PFAS: variants seen among roughly 807,000 people sequenced by gnomAD.
PFAS encodes the protein phosphoribosylformylglycinamidine synthase.
Under a neutral mutation model 140.6 loss-of-function variants are expected in PFAS, and 97 were observed. That is an observed-to-expected ratio of 0.69 (90% CI 0.59 to 0.82). The LOEUF is 0.82. PFAS is among the 40% of genes least tolerant of loss of function. PFAS has a pLI of 0.00. For missense variants in PFAS, 1,656 were observed against 1,780.2 expected (o/e 0.93, Z 1.26); for synonymous variants, 679 against 718.8 (o/e 0.94, Z 0.88).
At chr17:8,259,194 C>T (rs1266385855) in intron 11 of PFAS, among the ~76,000 whole-genome samples, 4 of 150,982 alleles carry the variant, frequency 2.6e-5, no homozygotes, top group Non-Finnish European at 4.4e-5. Flanking sequence ...CATGGCATAC[C>T]GTTTTTAGGT....
chr17:8,256,555 C>T lies in PFAS; in HGVS notation c.853C>T (p.Arg285Trp), dbSNP rs139447756. The T allele has an allele frequency of 1.6e-4, 263 of 1,613,984 alleles. No individual in the cohort carries two copies. The highest frequency in any genetic ancestry group is 1.9e-4 in the Non-Finnish European group (230 of 1,180,024). The change falls in exon 8 of 28, where the codon CGG becomes TGG. Residue 285 changes from arginine (R) to tryptophan (W), a missense_variant. Physicochemically the swap from Arg to Trp is moderately radical, Grantham distance 101 (BLOSUM62 -3). Coordinates refer to ENST00000314666, the MANE Select transcript of PFAS (RefSeq NM_012393.3). ...AIQGKEVRFL[R>W]PEDPTRPSRF... The stretch of plus-strand genomic sequence containing the variant: ...CCAGGGAAAGGAAGTCCGATTCCTA[C>T]GGCCTGAGGACCCCACACGGCCAAG...
upstream of PFAS, chr17:8,247,727 T>C (rs913241516): frequency 6.7e-6 from 3 of 446,582 alleles, no homozygotes; most frequent in Admixed American, 4.0e-5. Context: ...CACAGCCCCA[T>C]AGTTCCCCCA....
At chr17:8,248,294 G>T (rs1988954967), upstream of PFAS, among the ~76,000 whole-genome samples, 1 of 151,372 alleles carries the variant, frequency 6.6e-6, no homozygotes, top group African/African-American at 2.4e-5. Flanking sequence ...AGGCTGGAGT[G>T]CAGTGGCGCG....
Position 8,256,377 on chromosome 17 carries a change from A to G in PFAS, c.791A>G (p.Asn264Ser), listed in dbSNP as rs1989365849. ...AGCACCCAGGAATCCTCGAACCCCA[A>G]CAACGTCCTCAAATTCTGTGATAAC... ...IMSTQESSNP[N>S]NVLKFCDNSS... is the part of the protein sequence containing the mutation. Residue 264 changes from asparagine to serine, a missense_variant, in exon 7 of 28, where the codon AAC becomes AGC. Around this residue, in one of 2 missense-constraint regions of PFAS, gnomAD observed 773 missense variants for 757.3 expected, o/e 1.02. Coordinates refer to ENST00000314666, the MANE Select transcript of PFAS (RefSeq NM_012393.3). 1 of 1,614,072 alleles carries G rather than the reference A, an allele frequency of 6.2e-7. No individual in the cohort carries two copies. Among genetic ancestry groups the G allele is most frequent in the African/African-American group, 1.3e-5 (1 of 75,046 alleles).
At chr17:8,262,277 T>A (rs2151588969) in intron 11 of PFAS, among the ~76,000 whole-genome samples, 1 of 152,278 alleles carries the variant, frequency 6.6e-6, no homozygotes, top group African/African-American at 2.4e-5. Context: ...GTCTCTGTTG[T>A]CAGCCTTTAG....
intron 11 of PFAS, among the ~76,000 whole-genome samples, chr17:8,259,359 C>G (rs1989501646): frequency 1.3e-5 from 2 of 152,128 alleles, no homozygotes; most frequent in African/African-American, 4.8e-5. Context: ...TGGCCTTGAG[C>G]TCCTGGGCTC....
rs569163280 is a variant in PFAS at position 8,252,675 on chromosome 17, G to A, written c.-79-1184G>A. The stretch of plus-strand genomic sequence containing the variant: ...TGTGTTGCCCAGGCTGGAGTGCAGC[G>A]GCTTGATCACTGCTCACTGCAGCCT... On this transcript the variant is annotated intron_variant, in intron 1 of 27. Transcript: ENST00000314666. Among the ~76,000 whole-genome samples, 218 of 152,278 alleles carry A rather than the reference G, an allele frequency of 1.4e-3. 1 individual carries two copies. The highest frequency in any genetic ancestry group is 5.0e-3 in the African/African-American group (208 of 41,560).
In PFAS at chr17:8,269,215, T is replaced by C; in HGVS notation, c.3968T>C (p.Leu1323Pro). The change falls in exon 28 of 28, where the codon CTC becomes CCC. Residue 1323 changes from leucine (L) to proline (P), a missense_variant. Physicochemically the swap from Leu to Pro is moderately conservative, Grantham distance 98. Around this residue, in one of 2 missense-constraint regions of PFAS, gnomAD observed 883 missense variants for 1,023.0 expected, o/e 0.86. Transcript: ENST00000314666. ...GATACTCTGACCACCTCCCCCTGGCTCCAGCTCTTTATCAATGCCCGAAAC... is the reference window on the plus strand; with the variant it reads ...GATACTCTGACCACCTCCCCCTGGCCCCAGCTCTTTATCAATGCCCGAAAC... ...PFDTLTTSPW[L>P]QLFINARNWT... is the part of the protein sequence containing the mutation. 1 of 1,613,118 alleles carries C rather than the reference T, an allele frequency of 6.2e-7. No homozygotes were observed. The highest frequency in any genetic ancestry group is 1.6e-4 in the Middle Eastern group (1 of 6,062).
rs569700773 is a variant in PFAS at position 8,263,188 on chromosome 17, G to A, written c.1490G>A (p.Arg497His). ...GDPEMEQKMN[R>H]VIRACVEAPK... ...CCGGAGATGGAACAGAAGATGAACC[G>A]TGTGATCAGGGCTTGTGTGGAGGCC... The change falls in exon 13 of 28, where the codon CGT becomes CAT. Residue 497 changes from arginine (R) to histidine (H), a missense_variant. Transcript: ENST00000314666. The A allele has an allele frequency of 2.4e-5, 38 of 1,614,000 alleles. No individual in the cohort carries two copies. The highest frequency in any genetic ancestry group is 1.4e-4 in the South Asian group (13 of 91,082).
intron 17 of PFAS, 115 bp from the exon 18 acceptor site, chr17:8,264,780 G>T: frequency 3.0e-6 from 3 of 988,670 alleles, no homozygotes; most frequent in Non-Finnish European, 4.5e-6. Flanking sequence ...TAGAGCTGTT[G>T]TCTGCATTGG....
Position 8,266,078 on chromosome 17 carries a change from C to T in PFAS, c.2701+61C>T, listed in dbSNP as rs1989801968. ...TGCCAGGCGTGCAGCAGGCGTTCAC[C>T]ATCTGAGCAGTGGGGCAAAAGGGAC... is the stretch of plus-strand genomic sequence containing the variant. On this transcript the variant is annotated intron_variant, in intron 21 of 27. Coordinates refer to ENST00000314666, the MANE Select transcript of PFAS (RefSeq NM_012393.3). This position sits in a 1 kb window ranked among gnomAD's most constrained non-coding sequence, Gnocchi z 5.0. 2 of 1,541,958 alleles carry T rather than the reference C, an allele frequency of 1.3e-6. No homozygotes were observed. The highest frequency in any genetic ancestry group is 1.2e-5 in the South Asian group (1 of 82,232).
intron 11 of PFAS, among the ~76,000 whole-genome samples, chr17:8,261,430 G>T (rs1989588287): frequency 6.6e-6 from 1 of 151,768 alleles, no homozygotes; most frequent in African/African-American, 2.4e-5. Context: ...GTAGAGATGG[G>T]GTTTCACCGT....
At chr17:8,248,125 G>T (rs1279246758), upstream of PFAS, 21 of 1,002,424 alleles carry the variant, frequency 2.1e-5, no homozygotes, top group Non-Finnish European at 3.1e-5. Flanking sequence ...CGTCACCGGT[G>T]AGCGGGTTTC....
Position 8,254,103 on chromosome 17 carries a change from TG to T in PFAS, c.142+29del, listed in dbSNP as rs759784628. On this transcript the variant is annotated intron_variant, in intron 2 of 27. Transcript: ENST00000314666. ...AGGTTGGGCCCAGGTATTAGATTCT[TG>T]GGGGACATGCCTCGGTGCTGGGGGC... is the stretch of plus-strand genomic sequence containing the variant. 3.8e-5 allele frequency: 62 copies of T among 1,613,882 alleles called. No individual in the cohort carries two copies. The African/African-American group carries it at 7.6e-4, about 20-fold the overall frequency.
intron 13 of PFAS, 114 bp downstream of exon 13, chr17:8,263,379 C>G (rs990082761): frequency 1.7e-6 from 2 of 1,201,308 alleles, no homozygotes; most frequent in Non-Finnish European, 2.4e-6. Flanking sequence ...GTCCCATTCT[C>G]CATGCTCTGT....
intron 17 of PFAS, 118 bp from the exon 18 acceptor site, chr17:8,264,777 G>C: frequency 1.0e-6 from 1 of 990,016 alleles, no homozygotes; most frequent in Non-Finnish European, 1.5e-6. Flanking sequence ...AAGTAGAGCT[G>C]TTGTCTGCAT....
Position 8,265,011 on chromosome 17 carries a change from C to T in PFAS, c.2166C>T (p.Ala722=), listed in dbSNP as rs1989753275. Reference sequence around the variant, plus strand: ...GCCATGAGGAGCTCATAGGGGCTGCCACAGCCTTGGGAGAACAGCCAGTCA... The same window carrying T: ...GCCATGAGGAGCTCATAGGGGCTGCTACAGCCTTGGGAGAACAGCCAGTCA... ...ALSHEELIGA[A]TALGEQPVKS... Residue 722 remains alanine (A), a synonymous_variant, in exon 18 of 28, where the codon GCC becomes GCT. Transcript: ENST00000314666. 6.2e-7 allele frequency: 1 copy of T among 1,613,610 alleles called. No homozygotes were observed. Among genetic ancestry groups the T allele is most frequent in the Non-Finnish European group, 8.5e-7 (1 of 1,179,922 alleles).
rs968214541 is a variant in PFAS at position 8,251,210 on chromosome 17, C to T, written c.-80+1871C>T. On this transcript the variant is annotated intron_variant, in intron 1 of 27. Coordinates refer to ENST00000314666, the MANE Select transcript of PFAS (RefSeq NM_012393.3). Reference sequence around the variant, plus strand: ...CCGAGGCAGGAGAATCGCGTGAACCCGCAAGGCAGAGGTTGCAGTGAGCCG... The same window carrying T: ...CCGAGGCAGGAGAATCGCGTGAACCTGCAAGGCAGAGGTTGCAGTGAGCCG... 5.9e-5 allele frequency among the ~76,000 whole-genome samples: 9 copies of T among 152,026 alleles called. No individual in the cohort carries two copies. In the East Asian group the frequency reaches 7.8e-4, roughly 13 times the overall value.
In PFAS at chr17:8,265,411, G is replaced by C; in HGVS notation, c.2404G>C (p.Gly802Arg). Residue 802 changes from glycine to arginine, a missense_variant, in exon 19 of 28, where the codon GGC becomes CGC. By Grantham distance (125) the Gly-to-Arg change is moderately radical. Around this residue, in one of 2 missense-constraint regions of PFAS, gnomAD observed 883 missense variants for 1,023.0 expected, o/e 0.86. Coordinates refer to ENST00000314666, the MANE Select transcript of PFAS (RefSeq NM_012393.3). ...AGCCCTGGGTGTGGCAGTGGATGGT[G>C]GCAAGGACTCCCTCAGCATGGCTGC... ...MAALGVAVDG[G>R]KDSLSMAARV... The C allele has an allele frequency of 6.2e-7, 1 of 1,614,160 alleles. No homozygotes were observed. Among genetic ancestry groups the C allele is most frequent in the Non-Finnish European group, 8.5e-7 (1 of 1,180,020 alleles).
Sources: allele counts gnomAD v4.1 joint callset (sites outside exome capture counted in the v4.1 genomes callset), GRCh38; gene constraint gnomAD v4.1.1; regional missense constraint gnomAD v4.1.1; non-coding constraint Gnocchi (gnomAD v3.1); transcripts MANE v1.5; gene names NCBI Gene and HGNC (gene_info 2026-07-23, HGNC 2026-07-21).